CACNA1C: variants seen among roughly 807,000 people sequenced by gnomAD.
CACNA1C encodes the protein calcium voltage-gated channel subunit alpha1 C, also known as voltage-dependent L-type calcium channel subunit alpha-1C.
CACNA1C carries 30 observed loss-of-function variants against 229.0 expected under a neutral mutation model. The ratio of observed to expected loss-of-function variants is 0.13; its 90% CI spans 0.10 to 0.18. The LOEUF (loss-of-function observed/expected upper bound fraction) is 0.18, where lower values mean the gene tolerates loss of function less well. CACNA1C is among the 10% of genes least tolerant of loss of function. The pLI, the probability that CACNA1C is intolerant of heterozygous loss-of-function variation, is 1.00. For synonymous variants in CACNA1C, 1,114 were observed against 1,132.5 expected, an observed-to-expected ratio of 0.98 and a Z score of 0.33; for missense variants, 1,658 against 2,845.0, an observed-to-expected ratio of 0.58 and a Z score of 9.49.
At chr12:2,019,679 A>C (rs1470202506) in intron 1 of CACNA1C, among the ~76,000 whole-genome samples, 1 of 152,182 alleles carries the variant, frequency 6.6e-6, no homozygotes, top group African/African-American at 2.4e-5. Context: ...TTTTTGTGAG[A>C]GGATACTGTT....
At chr12:2,401,954 G>T (rs2098685642) in intron 3 of CACNA1C, among the ~76,000 whole-genome samples, 1 of 152,256 alleles carries the variant, frequency 6.6e-6, no homozygotes, top group Non-Finnish European at 1.5e-5. Flanking sequence ...TATGGCATGA[G>T]CCTCTGACAA....
In CACNA1C at chr12:2,106,748, T is replaced by C. The variant is rs1388883224; in HGVS notation, c.50-8476T>C. Among the ~76,000 whole-genome samples the C allele has an allele frequency of 2.9e-3, 181 of 61,646 alleles. 1 individual carries two copies. The highest frequency in any genetic ancestry group is 3.7e-3 in the African/African-American group (56 of 15,292). The allele number at this position is 61,646 out of a possible 152,430, so 40.4% of individuals were successfully genotyped here. A position where few individuals can be genotyped will look rare whatever the true frequency, so the allele number is the denominator to read the frequency against. On this transcript the variant is annotated intron_variant, in intron 1 of 46. Transcript: ENST00000399655. Reference sequence around the variant, plus strand: ...TGGGCGTCCTGAAGCCACTGGGTGCTCACCCTGGAGAGGGTTTCCACCTCA... The same window carrying C: ...TGGGCGTCCTGAAGCCACTGGGTGCCCACCCTGGAGAGGGTTTCCACCTCA...
At chr12:2,157,048 T>A (rs932057105) in intron 3 of CACNA1C, among the ~76,000 whole-genome samples, 1 of 152,152 alleles carries the variant, frequency 6.6e-6, no homozygotes, top group African/African-American at 2.4e-5. Flanking sequence ...GGCTTGGAAA[T>A]TGTGGTATCA....
intron 3 of CACNA1C, among the ~76,000 whole-genome samples, chr12:2,279,771 A>G (rs2090371757): frequency 6.6e-6 from 1 of 152,268 alleles, no homozygotes; most frequent in Non-Finnish European, 1.5e-5. Flanking sequence ...TACAGTATCA[A>G]CTATTTACAT....
chr12:2,661,280 T>TACACACACACACACACACACAC (rs1210712672), intron 34 of CACNA1C, among the ~76,000 whole-genome samples: 9 of 123,468 alleles, frequency 7.3e-5, no homozygotes, highest in Middle Eastern at 4.3e-3. Flanking sequence ...TACACACACA[T>TACACACACACACACACACACAC]ACACACACAC....
At chr12:2,210,948 C>G (rs1041579235) in intron 3 of CACNA1C, among the ~76,000 whole-genome samples, 1 of 152,078 alleles carries the variant, frequency 6.6e-6, no homozygotes, top group Non-Finnish European at 1.5e-5. Context: ...GGTGGGCAAG[C>G]TGGGATTATG....
intron 5 of CACNA1C, among the ~76,000 whole-genome samples, chr12:2,481,385 G>A (rs2099675141): frequency 6.6e-6 from 1 of 152,238 alleles, no homozygotes; most frequent in South Asian, 2.1e-4. Context: ...GAGAAACAGT[G>A]TGATTTATAG....
chr12:2,277,362 G>GACACACACACAC (rs59258094), intron 3 of CACNA1C, among the ~76,000 whole-genome samples: 3 of 72,230 alleles, frequency 4.2e-5, no homozygotes, highest in Non-Finnish European at 5.8e-5. Flanking sequence ...CAGACAGACA[G>GACACACACACAC]ACACACACAC....
intron 1 of CACNA1C, among the ~76,000 whole-genome samples, chr12:1,996,754 C>T (rs913913337): frequency 6.7e-6 from 1 of 149,374 alleles, no homozygotes; most frequent in African/African-American, 2.5e-5. Context: ...GTGGGTTGGA[C>T]AAGCTTGCGA....
rs1343449549 is a variant in CACNA1C, at chr12:2,693,051, C to T, written c.*1852C>T. On this transcript the variant is annotated 3_prime_UTR_variant, in exon 47 of 47. Coordinates refer to ENST00000399655, the MANE Select transcript of CACNA1C (RefSeq NM_000719.7). ...ACCAGTGTAGTCATTATTCTGCTCT[C>T]CACAAACAGGTTTGGACATTACTGT... 1.3e-5 allele frequency: 2 copies of T among 152,564 alleles called. No individual in the cohort carries two copies. Among genetic ancestry groups the T allele is most frequent in the Non-Finnish European group, 2.9e-5 (2 of 68,036 alleles). 9.5% of individuals were successfully genotyped at this position (152,564 alleles called of 1,614,324 possible).
At chr12:2,222,624 C>T in intron 3 of CACNA1C, among the ~76,000 whole-genome samples, 1 of 152,120 alleles carries the variant, frequency 6.6e-6, no homozygotes, top group Non-Finnish European at 1.5e-5. Flanking sequence ...ATTTATGGTA[C>T]CCTGTCGTGC....
At chr12:2,609,428 A>T (rs2076677523) in intron 27 of CACNA1C, among the ~76,000 whole-genome samples, 1 of 151,900 alleles carries the variant, frequency 6.6e-6, no homozygotes, top group South Asian at 2.1e-4. Context: ...TCGCCAGGCC[A>T]GCCAGTCCCC....
intron 3 of CACNA1C, among the ~76,000 whole-genome samples, chr12:2,339,012 A>G (rs1683794675): frequency 2.6e-5 from 4 of 152,226 alleles, no homozygotes; most frequent in Admixed American, 2.6e-4. Flanking sequence ...TAATTTCAAA[A>G]TTATAATTAC....
At chr12:2,405,443 C>A (rs2098726262) in intron 3 of CACNA1C, among the ~76,000 whole-genome samples, 1 of 152,200 alleles carries the variant, frequency 6.6e-6, no homozygotes, top group Non-Finnish European at 1.5e-5. Context: ...TAACCCCTGG[C>A]AACTACTTAT....
chr12:2,555,088 G>A (rs1352194064), intron 10 of CACNA1C, among the ~76,000 whole-genome samples: 1 of 152,218 alleles, frequency 6.6e-6, no homozygotes, highest in Non-Finnish European at 1.5e-5. Context: ...TGCTCAGAAT[G>A]TGCCCGGATG....
rs1379430428 is a variant in CACNA1C, at chr12:2,646,705, G to T, written c.3913-1770G>T. 6.6e-6 allele frequency among the ~76,000 whole-genome samples: 1 copy of T among 152,076 alleles called. No individual in the cohort carries two copies. Among genetic ancestry groups the T allele is most frequent in the African/African-American group, 2.4e-5 (1 of 41,380 alleles). ...GCAACTATCACACACCAGAGCAAAA[G>T]GGGTTTAGGTGCTTTGCCAAGAAAT... On this transcript the variant is annotated intron_variant, in intron 30 of 46. Coordinates refer to ENST00000399655, the MANE Select transcript of CACNA1C (RefSeq NM_000719.7). This position sits in a 1 kb window ranked among gnomAD's most constrained non-coding sequence, Gnocchi z 4.6.
At chr12:2,163,972 G>T (rs976712294) in intron 3 of CACNA1C, among the ~76,000 whole-genome samples, 4 of 152,050 alleles carry the variant, frequency 2.6e-5, no homozygotes, top group African/African-American at 9.7e-5. Flanking sequence ...CTTTCTTTAG[G>T]TTTGGCTGCG....
intron 5 of CACNA1C, 94 bp downstream of exon 5, chr12:2,457,800 G>A: frequency 8.8e-7 from 1 of 1,136,728 alleles, no homozygotes; most frequent in South Asian, 2.7e-5. Context: ...AAAGGGACCT[G>A]ATTCCATATA....
rs767421074 is a variant in CACNA1C at position 2,611,899 on chromosome 12, G to A, written c.3718-4G>A. The A allele has an allele frequency of 2.5e-6, 4 of 1,594,630 alleles. No homozygotes were observed. The highest frequency in any genetic ancestry group is 3.4e-6 in the Non-Finnish European group (4 of 1,162,504). ...TTCACAGCTCCTCCCCTCTCCTGAT[G>A]CAGCACTACGGCCAGAGCTGCCTGT... is the stretch of plus-strand genomic sequence containing the variant. On this transcript the variant is annotated splice_polypyrimidine_tract_variant and splice_region_variant and intron_variant, in intron 28 of 46. Transcript: ENST00000399655.
Sources: gnomAD v4.1 joint callset for allele counts (sites outside exome capture counted in the v4.1 genomes callset) on GRCh38, gnomAD v4.1.1 for gene constraint, Gnocchi (gnomAD v3.1) non-coding constraint, MANE v1.5 for transcripts, NCBI Gene and HGNC (gene_info 2026-07-23, HGNC 2026-07-21) for gene names.